PIEZO2: variants seen among roughly 807,000 people sequenced by gnomAD.
The protein encoded by PIEZO2 is piezo-type mechanosensitive ion channel component 2.
Under a neutral mutation model 337.3 loss-of-function variants are expected in PIEZO2, and 172 were observed. That is an observed-to-expected ratio of 0.51 (90% CI 0.45 to 0.58). PIEZO2 has a LOEUF of 0.58. PIEZO2 is among the 20% of genes least tolerant of loss of function. PIEZO2 has a pLI of 0.00. For synonymous variants in PIEZO2, 1,251 were observed against 1,228.5 expected, an observed-to-expected ratio of 1.02 and a Z score of -0.38; for missense variants, 3,028 against 3,391.3, an observed-to-expected ratio of 0.89 and a Z score of 2.66.
intron 1 of PIEZO2, among the ~76,000 whole-genome samples, chr18:11,091,442 C>G (rs568272558): frequency 1.4e-4 from 21 of 150,714 alleles, no homozygotes; most frequent in Admixed American, 2.6e-4. Flanking sequence ...ATATTTTCTA[C>G]TAAATGTATA....
chr18:10,883,377 C>T (rs1366522190), intron 4 of PIEZO2, among the ~76,000 whole-genome samples: 1 of 152,068 alleles, frequency 6.6e-6, no homozygotes, highest in Non-Finnish European at 1.5e-5. Context: ...AATCTACATT[C>T]CCACCAAGAG....
intron 2 of PIEZO2, among the ~76,000 whole-genome samples, chr18:11,011,854 G>A (rs530017774): frequency 4.6e-5 from 7 of 152,258 alleles, no homozygotes; most frequent in African/African-American, 1.4e-4. Flanking sequence ...AGTGGCTCAC[G>A]CCTCAAATTC....
At chr18:10,706,808 T>A (rs1235255153) in intron 40 of PIEZO2, among the ~76,000 whole-genome samples, 2 of 152,084 alleles carry the variant, frequency 1.3e-5, no homozygotes. Context: ...TGGGAATCTG[T>A]CTTGGATGTG....
chr18:10,752,597 C>G, intron 28 of PIEZO2, 39 bp downstream of exon 28: 2 of 1,529,986 alleles, frequency 1.3e-6, no homozygotes, highest in Non-Finnish European at 1.8e-6. Context: ...TACTCTTACA[C>G]GAAAACCGCA....
At chr18:10,720,285 CAT>C (rs957611686) in intron 36 of PIEZO2, among the ~76,000 whole-genome samples, 4 of 119,424 alleles carry the variant, frequency 3.3e-5, no homozygotes, top group African/African-American at 9.7e-5. Context: ...ATACATATAT[CAT>C]ATGTATATTC....
At position 10,773,718 on chromosome 18, in the gene PIEZO2, T is replaced by C; in HGVS notation, c.2568-89A>G. The C allele has an allele frequency of 1.6e-6, 2 of 1,229,246 alleles. No homozygotes were observed. Among genetic ancestry groups the C allele is most frequent in the Non-Finnish European group, 2.3e-6 (2 of 873,232 alleles). 76.1% of individuals were successfully genotyped at this position (1,229,246 alleles called of 1,614,324 possible). A position where few individuals can be genotyped will look rare whatever the true frequency, so the allele number is the denominator to read the frequency against. On this transcript the variant is annotated intron_variant, in intron 19 of 55. Coordinates refer to ENST00000674853, the MANE Select transcript of PIEZO2 (RefSeq NM_001378183.1). This position sits in a 1 kb window ranked among gnomAD's most constrained non-coding sequence, Gnocchi z 5.3. ...CAAGTAAAAGGAGGATAAACACAAATGAAATCAGTGCATGTACAAAGACCT... is the reference window on the plus strand; with the variant it reads ...CAAGTAAAAGGAGGATAAACACAAACGAAATCAGTGCATGTACAAAGACCT...
At chr18:10,735,617 TAA>T (rs2036965482) in intron 34 of PIEZO2, among the ~76,000 whole-genome samples, 1 of 152,124 alleles carries the variant, frequency 6.6e-6, no homozygotes. Flanking sequence ...ATAAATGAGT[TAA>T]GTCATTAGTA....
chr18:10,991,155 TACACACACACACACAC>T lies in PIEZO2; in HGVS notation c.161-11511_161-11496del, dbSNP rs374157292. On this transcript the variant is annotated intron_variant, in intron 2 of 55. Transcript: ENST00000674853. ...TTCTTTTTGTTTTTGGAAGGTTTTA[TACACACACACACACAC>T]ACACACACACACACACACATACATA... is the stretch of plus-strand genomic sequence containing the variant. Among the ~76,000 whole-genome samples, 12 of 140,546 alleles carry T rather than the reference TACACACACACACACAC, an allele frequency of 8.5e-5. No homozygotes were observed. The East Asian group carries it at 1.0e-3, about 12-fold the overall frequency. 92.2% of individuals were successfully genotyped at this position (140,546 alleles called of 152,430 possible). A position where few individuals can be genotyped will look rare whatever the true frequency, so the allele number is the denominator to read the frequency against.
chr18:10,684,705 A>T (rs954001189), intron 49 of PIEZO2, among the ~76,000 whole-genome samples: 2 of 151,934 alleles, frequency 1.3e-5, no homozygotes, highest in African/African-American at 2.4e-5. Flanking sequence ...ACTTCAAGTG[A>T]TCCACCTGCC....
At position 10,672,836 on chromosome 18, in the gene PIEZO2, T is replaced by C; in HGVS notation, c.8199A>G (p.Arg2733=). The stretch of plus-strand genomic sequence containing the variant: ...CACTGTTATATTTAGTTGTATTGTC[T>C]CTGGACAAAATGATGGTAATATCCA... ...NFMDITIILS[R]DNTTKYNSEW... Residue 2733 remains arginine, a synonymous_variant, in exon 55 of 56, where the codon AGA becomes AGG. Transcript: ENST00000674853. This position sits in a 1 kb window ranked among gnomAD's most constrained non-coding sequence, Gnocchi z 4.7. 6.2e-7 allele frequency: 1 copy of C among 1,610,232 alleles called. No individual in the cohort carries two copies. The highest frequency in any genetic ancestry group is 1.1e-5 in the South Asian group (1 of 90,182).
At position 10,762,979 on chromosome 18, in the gene PIEZO2, T is replaced by C. The variant is rs951223229; in HGVS notation, c.3066A>G (p.Lys1022=). Residue 1022 remains lysine (K), a synonymous_variant, in exon 22 of 56, where the codon AAA becomes AAG. Transcript: ENST00000674853. ...TVWTCVIIVC[K]MLYQLQTIKP... ...TAATGGTTTGGAGCTGGTACAACAT[T>C]TTGCAGACGATGATCACACACGTCC... 2 of 1,537,132 alleles carry C rather than the reference T, an allele frequency of 1.3e-6. No homozygotes were observed. Among genetic ancestry groups the C allele is most frequent in the Non-Finnish European group, 1.7e-6 (2 of 1,146,928 alleles).
intron 2 of PIEZO2, among the ~76,000 whole-genome samples, chr18:11,037,356 A>T (rs1176136969): frequency 6.6e-6 from 1 of 152,212 alleles, no homozygotes; most frequent in Non-Finnish European, 1.5e-5. Context: ...GAAGAAACAG[A>T]AATGAAAACG....
At chr18:10,831,125 A>AAAAAAACT (rs2040831535) in intron 7 of PIEZO2, among the ~76,000 whole-genome samples, 1 of 152,154 alleles carries the variant, frequency 6.6e-6, no homozygotes. Flanking sequence ...GAGGTTCCTC[A>AAAAAAACT]AAAAAACTAA....
intron 13 of PIEZO2, among the ~76,000 whole-genome samples, chr18:10,793,148 A>G (rs56234601): frequency 0.29 from 43,598 of 151,918 alleles, 7,210 homozygotes; most frequent in Middle Eastern, 0.41. Context: ...AGTCCCAGCT[A>G]CTCGGGAGGC....
At position 10,716,343 on chromosome 18, in the gene PIEZO2, T is replaced by C. The variant is rs2036010524; in HGVS notation, c.5090-527A>G. Among the ~76,000 whole-genome samples, 1 of 152,166 alleles carries C rather than the reference T, an allele frequency of 6.6e-6. No homozygotes were observed. Among genetic ancestry groups the C allele is most frequent in the Admixed American group, 6.5e-5 (1 of 15,272 alleles). On this transcript the variant is annotated intron_variant, in intron 37 of 55. Transcript: ENST00000674853. The surrounding 1 kb of genome is among the most constrained non-coding windows in gnomAD (Gnocchi z 4.1). ...TTCCATTTACTGAATAGGAACTATA[T>C]TTTCTTTCTGATTTTCTTCATGACA... is the stretch of plus-strand genomic sequence containing the variant.
At position 10,853,522 on chromosome 18, in the gene PIEZO2, A is replaced by G. The variant is rs2041615975; in HGVS notation, c.917+1831T>C. The stretch of plus-strand genomic sequence containing the variant: ...TCCATGGGAATTCGCTGTCAGTAAC[A>G]TACTTTGGTGCTGCGAGACTCAGAT... On this transcript the variant is annotated intron_variant, in intron 7 of 55. Coordinates refer to ENST00000674853, the MANE Select transcript of PIEZO2 (RefSeq NM_001378183.1). The surrounding 1 kb of genome is among the most constrained non-coding windows in gnomAD (Gnocchi z 4.2). Among the ~76,000 whole-genome samples, 1 of 152,200 alleles carries G rather than the reference A, an allele frequency of 6.6e-6. No homozygotes were observed. Among genetic ancestry groups the G allele is most frequent in the Admixed American group, 6.5e-5 (1 of 15,290 alleles).
At chr18:10,825,185 C>T (rs537593259) in intron 7 of PIEZO2, among the ~76,000 whole-genome samples, 1 of 152,260 alleles carries the variant, frequency 6.6e-6, no homozygotes, top group South Asian at 2.1e-4. Flanking sequence ...TTTATCCACA[C>T]TAGAATCCCA....
intron 32 of PIEZO2, among the ~76,000 whole-genome samples, chr18:10,742,141 C>A (rs559781286): frequency 6.6e-6 from 1 of 151,966 alleles, no homozygotes; most frequent in African/African-American, 2.4e-5. Flanking sequence ...GGGGACAGAG[C>A]GAGACTCCGT....
At chr18:10,978,757 G>C (rs1437157410) in intron 3 of PIEZO2, among the ~76,000 whole-genome samples, 1 of 152,128 alleles carries the variant, frequency 6.6e-6, no homozygotes, top group African/African-American at 2.4e-5. Context: ...AAACTGACAA[G>C]TTAAAACTGT....
Sources: gnomAD v4.1 joint callset for allele counts (sites outside exome capture counted in the v4.1 genomes callset) on GRCh38, gnomAD v4.1.1 for gene constraint, Gnocchi (gnomAD v3.1) non-coding constraint, MANE v1.5 for transcripts, NCBI Gene and HGNC (gene_info 2026-07-23, HGNC 2026-07-21) for gene names.